PKD1: variants seen among roughly 807,000 people sequenced by gnomAD.
The protein encoded by PKD1 is polycystin 1, transient receptor potential channel interacting, also known as polycystin-1.
Under a neutral mutation model 361.7 loss-of-function variants are expected in PKD1, and 81 were observed. The ratio of observed to expected loss-of-function variants is 0.22; its 90% CI spans 0.19 to 0.27. The LOEUF (loss-of-function observed/expected upper bound fraction) is 0.27. PKD1 is among the 10% of genes least tolerant of loss of function. PKD1 has a pLI of 1.00. For missense variants in PKD1, 6,399 were observed against 6,118.3 expected (o/e 1.05, Z -1.53); for synonymous variants, 3,615 against 2,818.3 (o/e 1.28, Z -8.95).
rs2091886291 is a variant in PKD1 at position 2,097,259 on chromosome 16, A to G, written c.10406-18T>C. 1.2e-6 allele frequency: 2 copies of G among 1,600,382 alleles called. No homozygotes were observed. The highest frequency in any genetic ancestry group is 1.7e-6 in the Non-Finnish European group (2 of 1,173,844). The stretch of plus-strand genomic sequence containing the variant: ...GTCTTCATCTAGAGGTACAGGAGGC[A>G]TAGGGTGGGCCCAGCTGCAAGGGTG... On this transcript the variant is annotated intron_variant, in intron 33 of 45. Coordinates refer to ENST00000262304, the MANE Select transcript of PKD1 (RefSeq NM_001009944.3).
intron 1 of PKD1, among the ~76,000 whole-genome samples, chr16:2,126,261 A>C (rs1166494804): frequency 2.6e-5 from 4 of 152,232 alleles, no homozygotes; most frequent in African/African-American, 7.2e-5. Context: ...CGCTGGCCTC[A>C]TTCCTGCCTC....
rs771363852 is a variant in PKD1, at chr16:2,109,098, G to A, written c.6069C>T (p.Gly2023=). The change falls in exon 15 of 46, where the codon GGC becomes GGT. Residue 2023 remains glycine, a synonymous_variant. Transcript: ENST00000262304. The stretch of plus-strand genomic sequence containing the variant: ...CCACGGGCGTGTAGGTGACGTCGCG[G>A]CCCGACAGGATGACCAGCGAGTCGC... ...VQGDSLVILS[G]RDVTYTPVAA... 3 of 1,603,364 alleles carry A rather than the reference G, an allele frequency of 1.9e-6. No homozygotes were observed. Among genetic ancestry groups the A allele is most frequent in the South Asian group, 2.2e-5 (2 of 90,908 alleles).
In PKD1 at chr16:2,097,177, G is replaced by A. The variant is rs1437294209; in HGVS notation, c.10470C>T (p.Thr3490=). Residue 3490 remains threonine (T), a synonymous_variant, in exon 34 of 46, where the codon ACC becomes ACT. Transcript: ENST00000262304. ...TGCTGAGCAGGTCCGTTTCCATGTGGGTGTCTTGGGTAGGGGCTGGGCTGC... is the reference window on the plus strand; with the variant it reads ...TGCTGAGCAGGTCCGTTTCCATGTGAGTGTCTTGGGTAGGGGCTGGGCTGC... ...GVSSPAPTQD[T]HMETDLLSSL... The A allele has an allele frequency of 1.3e-6, 2 of 1,556,608 alleles. No homozygotes were observed. The highest frequency in any genetic ancestry group is 2.4e-5 in the East Asian group (1 of 41,400).
rs754396996 is a variant in PKD1, at chr16:2,091,805, T to C, written c.11513A>G (p.Gln3838Arg). ...CCTGTTGTCCAGCCAGTTGTGCAGC[T>C]GCAGGAAGCGCAGCCGGTCGCGGCT... ...EESRDRLRFL[Q>R]LHNWLDNRSR... Residue 3838 changes from glutamine (Q) to arginine (R), a missense_variant, in exon 41 of 46, where the codon CAG (glutamine) becomes CGG (arginine). Physicochemically the swap from Gln to Arg is conservative, Grantham distance 43. Transcript: ENST00000262304. 12 of 1,611,004 alleles carry C rather than the reference T, an allele frequency of 7.4e-6. No individual in the cohort carries two copies. Among genetic ancestry groups the C allele is most frequent in the Admixed American group, 1.7e-5 (1 of 59,884 alleles).
chr16:2,126,994 G>A (rs183077806), intron 1 of PKD1, among the ~76,000 whole-genome samples: 5 of 152,316 alleles, frequency 3.3e-5, no homozygotes, highest in African/African-American at 7.2e-5. Context: ...GATGGCAGAG[G>A]AGATCCACAG....
In PKD1 at chr16:2,132,899, T is replaced by C. The variant is rs1596630117; in HGVS notation, c.215+2576A>G. 4.0e-5 allele frequency among the ~76,000 whole-genome samples: 6 copies of C among 150,032 alleles called. No individual in the cohort carries two copies. In the South Asian group the frequency reaches 1.3e-3, roughly 32 times the overall value. ...GAGTTCAAGACCAGCCTGACCAATA[T>C]GGAGAAACCCTGTCTCTACTAAAAA... is the stretch of plus-strand genomic sequence containing the variant. On this transcript the variant is annotated intron_variant, in intron 1 of 45. Transcript: ENST00000262304.
intron 1 of PKD1, among the ~76,000 whole-genome samples, chr16:2,121,312 C>G (rs910359657): frequency 1.3e-5 from 2 of 151,738 alleles, no homozygotes; most frequent in African/African-American, 4.8e-5. Flanking sequence ...TTGCAGTGAG[C>G]TGAGATCGCA....
intron 1 of PKD1, among the ~76,000 whole-genome samples, chr16:2,133,881 C>T (rs1296123394): frequency 3.3e-5 from 5 of 151,850 alleles, no homozygotes; most frequent in Admixed American, 6.6e-5. Context: ...AAGGCAGGGG[C>T]GGGGGCTCCA....
Position 2,106,938 on chromosome 16 carries a change from C to G in PKD1, c.7076G>C (p.Arg2359Pro). ...GGACACAATGGGCACCCGGCCACTC[C>G]GGATCAGCACCTGGCGTGGGAGTGG... Reference protein sequence around the residue: ...EEATNQTVLIRSGRVPIVSLE... With the variant: ...EEATNQTVLIPSGRVPIVSLE... The change falls in exon 17 of 46, where the codon CGG becomes CCG. Residue 2359 changes from arginine (R) to proline (P), a missense_variant. Physicochemically the swap from Arg to Pro is moderately radical, Grantham distance 103. Transcript: ENST00000262304. The surrounding 1 kb of genome is among the most constrained non-coding windows in gnomAD (Gnocchi z 6.5). The G allele has an allele frequency of 1.3e-6, 2 of 1,585,228 alleles. No homozygotes were observed. The highest frequency in any genetic ancestry group is 1.7e-6 in the Non-Finnish European group (2 of 1,171,484).
At chr16:2,104,977 G>A (rs1486677426) in intron 21 of PKD1, among the ~76,000 whole-genome samples, 1 of 87,894 alleles carries the variant, frequency 1.1e-5, no homozygotes, top group African/African-American at 4.5e-5. Context: ...GCTAGGGGAG[G>A]GGAGGAGGGG....
Position 2,100,324 on chromosome 16 carries a change from G to A in PKD1, c.9569-15C>T, listed in dbSNP as rs988111328. ...AGGGCTGAGCCCTGCAGAGGCGCAG[G>A]AGGGAGGTCAGGCTCGCAGGGCGCC... is the stretch of plus-strand genomic sequence containing the variant. On this transcript the variant is annotated splice_polypyrimidine_tract_variant and intron_variant, in intron 27 of 45. Transcript: ENST00000262304. This position sits in a 1 kb window ranked among gnomAD's most constrained non-coding sequence, Gnocchi z 4.4. The A allele has an allele frequency of 5.6e-6, 9 of 1,609,878 alleles. No homozygotes were observed. The highest frequency in any genetic ancestry group is 3.3e-5 in the Admixed American group (2 of 60,004).
In PKD1 at chr16:2,106,721, G is replaced by C. The variant is rs1235334790; in HGVS notation, c.7210-44C>G. 21 of 1,546,648 alleles carry C rather than the reference G, an allele frequency of 1.4e-5. No individual in the cohort carries two copies. Among genetic ancestry groups the C allele is most frequent in the Non-Finnish European group, 1.8e-5 (21 of 1,142,078 alleles). ...GTGAGGGGGCGCAACCCTCTGCCCT[G>C]TCAGCCCCACTTCTGCCTGCAGGCC... On this transcript the variant is annotated intron_variant, in intron 17 of 45. Coordinates refer to ENST00000262304, the MANE Select transcript of PKD1 (RefSeq NM_001009944.3). The surrounding 1 kb of genome is among the most constrained non-coding windows in gnomAD (Gnocchi z 6.5).
chr16:2,114,899 G>A lies in PKD1; in HGVS notation c.2124C>T (p.Leu708=), dbSNP rs1267355747. Residue 708 remains leucine (L), a synonymous_variant, in exon 11 of 46, where the codon CTC becomes CTT. Coordinates refer to ENST00000262304, the MANE Select transcript of PKD1 (RefSeq NM_001009944.3). ...AGCCAACGAGGTCACCAGGGAGCATGAGGACATCCTGGCCGTGGAGGGTGA... is the reference window on the plus strand; with the variant it reads ...AGCCAACGAGGTCACCAGGGAGCATAAGGACATCCTGGCCGTGGAGGGTGA... The part of the protein sequence containing the change: ...YSVTLHGQDV[L]MLPGDLVGLQ... The A allele has an allele frequency of 5.9e-6, 9 of 1,531,414 alleles. No individual in the cohort carries two copies. Among genetic ancestry groups the A allele is most frequent in the Non-Finnish European group, 7.0e-6 (8 of 1,142,944 alleles). The allele number at this position is 1,531,414 out of a possible 1,614,324, so 94.9% of individuals were successfully genotyped here.
intron 1 of PKD1, among the ~76,000 whole-genome samples, chr16:2,122,071 C>A (rs1397651247): frequency 6.6e-6 from 1 of 152,234 alleles, no homozygotes. Flanking sequence ...GGGGCCAGGG[C>A]AAGAGCTTGA....
At position 2,100,761 on chromosome 16, in the gene PKD1, A is replaced by G. The variant is rs1017028315; in HGVS notation, c.9398-195T>C. ...CAATTAACAGCAGGACCTCAAGGAC[A>G]TGATTAAGTTACATGGAAAGAACTG... is the stretch of plus-strand genomic sequence containing the variant. On this transcript the variant is annotated intron_variant, in intron 26 of 45. Coordinates refer to ENST00000262304, the MANE Select transcript of PKD1 (RefSeq NM_001009944.3). The surrounding 1 kb of genome is among the most constrained non-coding windows in gnomAD (Gnocchi z 4.4). 3.0e-5 allele frequency: 18 copies of G among 602,602 alleles called. No individual in the cohort carries two copies. Among genetic ancestry groups the G allele is most frequent in the Non-Finnish European group, 4.4e-5 (15 of 337,134 alleles). 37.3% of individuals were successfully genotyped at this position (602,602 alleles called of 1,614,324 possible). A position where few individuals can be genotyped will look rare whatever the true frequency, so the allele number is the denominator to read the frequency against.
At position 2,111,144 on chromosome 16, in the gene PKD1, C is replaced by A; in HGVS notation, c.4023G>T (p.Gly1341=). The A allele has an allele frequency of 6.2e-7, 1 of 1,610,942 alleles. No homozygotes were observed. The highest frequency in any genetic ancestry group is 2.2e-5 in the East Asian group (1 of 44,890). The change falls in exon 15 of 46, where the codon GGG becomes GGT. Residue 1341 remains glycine (G), a synonymous_variant. Coordinates refer to ENST00000262304, the MANE Select transcript of PKD1 (RefSeq NM_001009944.3). ...GDGSSNTTVR[G]CPTVTHNFTR... ...TGAAGTTGTGTGTCACCGTCGGGCA[C>A]CCCCGCACGGTCGTGTTGGAGGAGC...
intron 1 of PKD1, among the ~76,000 whole-genome samples, chr16:2,127,327 C>T (rs1422268121): frequency 3.3e-5 from 5 of 152,176 alleles, no homozygotes; most frequent in African/African-American, 9.7e-5. Flanking sequence ...CACCAGAACG[C>T]GTCAAAAGGC....
chr16:2,112,995 G>A, intron 12 of PKD1, 32 bp from the exon 13 acceptor site: 1 of 1,577,344 alleles, frequency 6.3e-7, no homozygotes, highest in Non-Finnish European at 8.6e-7. Context: ...AGCCCAGGTG[G>A]CAGGTGAGAG....
In PKD1 at chr16:2,111,062, G is replaced by C. The variant is rs1202571299; in HGVS notation, c.4105C>G (p.His1369Asp). The C allele has an allele frequency of 3.1e-6, 5 of 1,610,554 alleles. No individual in the cohort carries two copies. The African/African-American group carries it at 6.7e-5, about 22-fold the overall frequency. ...LVLSSRVNRA[H>D]YFTSICVEPE... ...TCCACGCAGATGCTGGTGAAGTAAT[G>C]CGCCCTGTTCACGCGGCTGGACAGC... Residue 1369 changes from histidine to aspartate, a missense_variant, in exon 15 of 46, where the codon CAT becomes GAT. Coordinates refer to ENST00000262304, the MANE Select transcript of PKD1 (RefSeq NM_001009944.3).
Sources: allele counts gnomAD v4.1 joint callset (sites outside exome capture counted in the v4.1 genomes callset), GRCh38; gene constraint gnomAD v4.1.1; non-coding constraint Gnocchi (gnomAD v3.1); transcripts MANE v1.5; gene names NCBI Gene and HGNC (gene_info 2026-07-23, HGNC 2026-07-21).